BNC2: variants seen among roughly 807,000 people sequenced by gnomAD.
BNC2 encodes the protein basonuclin zinc finger protein 2, also known as zinc finger protein basonuclin-2.
A neutral mutation model predicts 76.3 loss-of-function variants in BNC2; 20 were observed. The observed-to-expected ratio is 0.26, with a 90% CI of 0.18 to 0.38. BNC2 has a LOEUF of 0.38. Ranked by LOEUF, BNC2 falls within the 10% of genes least tolerant of loss-of-function variation. The pLI is 1.00. For synonymous variants in BNC2, 582 were observed against 514.8 expected (o/e 1.13, Z -1.77); for missense variants, 1,382 against 1,399.8 (o/e 0.99, Z 0.20).
intron 5 of BNC2, among the ~76,000 whole-genome samples, chr9:16,537,176 T>A (rs1818155567): frequency 6.6e-6 from 1 of 152,146 alleles, no homozygotes; most frequent in South Asian, 2.1e-4. Flanking sequence ...CATTTATACA[T>A]TTATTCTGCA....
At chr9:16,662,833 C>G (rs1010801723) in intron 3 of BNC2, among the ~76,000 whole-genome samples, 4 of 152,176 alleles carry the variant, frequency 2.6e-5, no homozygotes, top group Non-Finnish European at 5.9e-5. Context: ...CTGCTTCCTT[C>G]TCTAGAAACA....
chr9:16,780,223 A>G lies in BNC2; in HGVS notation c.4-41738T>C, dbSNP rs189948559. On this transcript the variant is annotated intron_variant, in intron 1 of 6. Transcript: ENST00000380672. ...TGCACTCCAGCCTGGGTGACAGAGC[A>G]AGACTTCGTTTCAAAAAAAAAAAAA... Among the ~76,000 whole-genome samples, 1,126 of 128,066 alleles carry G rather than the reference A, an allele frequency of 8.8e-3. 24 individuals carry two copies. Among genetic ancestry groups the G allele is most frequent in the African/African-American group, 0.029 (1,025 of 35,138 alleles). The allele number at this position is 128,066 out of a possible 152,430, so 84.0% of individuals were successfully genotyped here. A position where few individuals can be genotyped will look rare whatever the true frequency, so the allele number is the denominator to read the frequency against.
At chr9:16,827,832 T>C (rs1329224952) in intron 1 of BNC2, among the ~76,000 whole-genome samples, 3 of 152,188 alleles carry the variant, frequency 2.0e-5, no homozygotes, top group Non-Finnish European at 4.4e-5. Context: ...GCCCCTATAA[T>C]TTATAAATCT....
At chr9:16,757,685 C>A (rs1825424983) in intron 1 of BNC2, among the ~76,000 whole-genome samples, 1 of 149,142 alleles carries the variant, frequency 6.7e-6, no homozygotes, top group Non-Finnish European at 1.5e-5. Context: ...TACTATATTC[C>A]TGGTACAATG....
intron 1 of BNC2, among the ~76,000 whole-genome samples, chr9:16,842,448 G>T (rs933278443): frequency 1.1e-4 from 16 of 152,116 alleles, no homozygotes; most frequent in African/African-American, 3.6e-4. Flanking sequence ...ATAGAAAACA[G>T]TGGGTCAAAA....
rs898765117 is a variant in BNC2, at chr9:16,579,285, T to A, written c.433+3698A>T. On this transcript the variant is annotated intron_variant, in intron 4 of 6. Coordinates refer to ENST00000380672, the MANE Select transcript of BNC2 (RefSeq NM_017637.6). Reference sequence around the variant, plus strand: ...GAATTAATCACTCTTTAATTTATTATTTTTTTTTTATTTTTGAGACAGAGT... The same window carrying A: ...GAATTAATCACTCTTTAATTTATTAATTTTTTTTTATTTTTGAGACAGAGT... 2.3e-4 allele frequency among the ~76,000 whole-genome samples: 34 copies of A among 147,346 alleles called. 1 individual carries two copies. The highest frequency in any genetic ancestry group is 3.0e-5 in the Non-Finnish European group (2 of 67,402).
chr9:16,516,323 C>T (rs1239917877), intron 5 of BNC2, among the ~76,000 whole-genome samples: 13 of 151,346 alleles, frequency 8.6e-5, no homozygotes, highest in Admixed American at 5.9e-4. Context: ...CTCTGAGAAG[C>T]GTTTGCAAGT....
chr9:16,860,398 T>C (rs77680769), intron 1 of BNC2, among the ~76,000 whole-genome samples: 2 of 152,306 alleles, frequency 1.3e-5, no homozygotes, highest in African/African-American at 4.8e-5. Context: ...TCATGGTCAA[T>C]TAATTTTTGA....
chr9:16,573,455 A>G (rs1013499874), intron 4 of BNC2, among the ~76,000 whole-genome samples: 3 of 152,194 alleles, frequency 2.0e-5, no homozygotes, highest in African/African-American at 4.8e-5. Flanking sequence ...CCTACATCAC[A>G]TCTCAATTTG....
chr9:16,863,104 G>A (rs1160244523), intron 1 of BNC2, among the ~76,000 whole-genome samples: 8 of 151,762 alleles, frequency 5.3e-5, no homozygotes, highest in South Asian at 2.1e-4. Flanking sequence ...TAGTAAAGAC[G>A]GGGTTTCACC....
chr9:16,444,531 G>C (rs1413543652), intron 5 of BNC2, among the ~76,000 whole-genome samples: 1 of 152,026 alleles, frequency 6.6e-6, no homozygotes, highest in Non-Finnish European at 1.5e-5. Flanking sequence ...TCTAACTTCT[G>C]GATCACCTCA....
In BNC2 at chr9:16,518,252, A is replaced by G. The variant is rs186334446; in HGVS notation, c.669+34278T>C. Among the ~76,000 whole-genome samples, 7 of 152,134 alleles carry G rather than the reference A, an allele frequency of 4.6e-5. No individual in the cohort carries two copies. In the East Asian group the frequency reaches 1.4e-3, roughly 29 times the overall value. ...AGACCAGCCTGGGCAACATAGGGAG[A>G]CCCTGTCTCTATTAAACATAAAAAA... On this transcript the variant is annotated intron_variant, in intron 5 of 6. Coordinates refer to ENST00000380672, the MANE Select transcript of BNC2 (RefSeq NM_017637.6).
At chr9:16,841,114 G>A (rs560181176) in intron 1 of BNC2, among the ~76,000 whole-genome samples, 5 of 152,110 alleles carry the variant, frequency 3.3e-5, no homozygotes, top group Non-Finnish European at 7.3e-5. Flanking sequence ...CAAATTAATG[G>A]GCAAAAGAGT....
chr9:16,761,650 C>T (rs10810618), intron 1 of BNC2, among the ~76,000 whole-genome samples: 125,754 of 152,192 alleles, frequency 0.83, 53,092 homozygotes, highest in East Asian at 0.99. Context: ...GTTATGGAAG[C>T]TGGAAAACCA....
At chr9:16,858,558 C>T (rs538098717) in intron 1 of BNC2, among the ~76,000 whole-genome samples, 1 of 152,212 alleles carries the variant, frequency 6.6e-6, no homozygotes, top group Admixed American at 6.5e-5. Flanking sequence ...AACTTAGAAA[C>T]TTCTGGCCAG....
chr9:16,478,008 A>G (rs1353130685), intron 5 of BNC2, among the ~76,000 whole-genome samples: 1 of 152,154 alleles, frequency 6.6e-6, no homozygotes, highest in Non-Finnish European at 1.5e-5. Flanking sequence ...CATATCCTGC[A>G]AACAGATGAC....
chr9:16,709,798 G>A (rs1823781771), intron 3 of BNC2, among the ~76,000 whole-genome samples: 1 of 152,132 alleles, frequency 6.6e-6, no homozygotes. Flanking sequence ...TTTAAGCATT[G>A]TCAACATACA....
intron 6 of BNC2, among the ~76,000 whole-genome samples, chr9:16,428,561 T>C (rs74754024): frequency 6.6e-6 from 1 of 152,218 alleles, no homozygotes; most frequent in Non-Finnish European, 1.5e-5. Context: ...TGAATTTAGA[T>C]TAGAACATTA....
At chr9:16,425,972 A>T (rs145442249) in intron 6 of BNC2, among the ~76,000 whole-genome samples, 1 of 152,350 alleles carries the variant, frequency 6.6e-6, no homozygotes, top group Non-Finnish European at 1.5e-5. Context: ...GAGGCTTCTC[A>T]AGGGTGCTGA....
Sources: allele counts gnomAD v4.1 joint callset (sites outside exome capture counted in the v4.1 genomes callset), GRCh38; gene constraint gnomAD v4.1.1; transcripts MANE v1.5; gene names NCBI Gene and HGNC (gene_info 2026-07-23, HGNC 2026-07-21).